Variants in NHSL1 observed in about 807,000 individuals in gnomAD.
NHSL1 encodes NHS like 1.
A neutral mutation model predicts 95.0 loss-of-function variants in NHSL1; 48 were observed. The ratio of observed to expected loss-of-function variants is 0.51; its 90% CI spans 0.40 to 0.64. The LOEUF is 0.64. Ranked by LOEUF, NHSL1 falls within the 30% of genes least tolerant of loss-of-function variation. The pLI, the probability that NHSL1 is intolerant of heterozygous loss-of-function variation, is 0.00. For synonymous variants in NHSL1, 783 were observed against 833.9 expected, an observed-to-expected ratio of 0.94 and a Z score of 1.05; for missense variants, 1,971 against 2,077.7, an observed-to-expected ratio of 0.95 and a Z score of 1.00.
chr6:138,438,938 G>A (rs1211799742), intron 5 of NHSL1, among the ~76,000 whole-genome samples: 1 of 152,066 alleles, frequency 6.6e-6, no homozygotes, highest in Non-Finnish European at 1.5e-5. Flanking sequence ...AACCTCATAA[G>A]ATGATGTTCA....
chr6:138,626,774 G>C (rs1171241945), intron 1 of NHSL1, among the ~76,000 whole-genome samples: 1 of 112,144 alleles, frequency 8.9e-6, no homozygotes, highest in East Asian at 2.5e-4. Flanking sequence ...GGCGCCTGTC[G>C]TCCCAGCTAC....
upstream of NHSL1, among the ~76,000 whole-genome samples, chr6:138,549,314 C>T (rs1334299378): frequency 1.3e-5 from 2 of 152,132 alleles, no homozygotes; most frequent in Admixed American, 6.5e-5. Flanking sequence ...ACCTGGGAGG[C>T]GGAGGTTGCA....
chr6:138,460,774 T>C (rs150027398), intron 3 of NHSL1, among the ~76,000 whole-genome samples: 64 of 151,714 alleles, frequency 4.2e-4, no homozygotes, highest in African/African-American at 1.4e-3. Flanking sequence ...CTGTTAGCTA[T>C]GCAATAAAGG....
upstream of NHSL1, among the ~76,000 whole-genome samples, chr6:138,500,270 T>C (rs546188674): frequency 3.4e-4 from 52 of 152,336 alleles, no homozygotes; most frequent in Non-Finnish European, 6.5e-4. Flanking sequence ...ACTCTTTAAC[T>C]TGAATCTACC....
chr6:138,525,635 T>C (rs1014510036), intron 1 of NHSL1, among the ~76,000 whole-genome samples: 1 of 151,886 alleles, frequency 6.6e-6, no homozygotes, highest in African/African-American at 2.4e-5. Context: ...AGCTAGACTA[T>C]ATAAAATCAG....
At position 138,433,029 on chromosome 6, in the gene NHSL1, T is replaced by C; in HGVS notation, c.1316A>G (p.Lys439Arg). The change falls in exon 6 of 8, where the codon AAA (lysine) becomes AGA (arginine). Residue 439 changes from lysine to arginine, a missense_variant. Around this residue, in one of 3 missense-constraint regions of NHSL1, gnomAD observed 1,602 missense variants for 1,654.5 expected, o/e 0.97. Coordinates refer to ENST00000343505, the MANE Select transcript of NHSL1 (RefSeq NM_001144060.2). ...TAQSAGQRES[K>R]SSGSSHARIK... The stretch of plus-strand genomic sequence containing the variant: ...CCTTGCATGTGATGAGCCAGAACTT[T>C]TACTTTCCCGCTGTCCCGCACTCTG... 6.4e-7 allele frequency: 1 copy of C among 1,551,644 alleles called. No homozygotes were observed. The highest frequency in any genetic ancestry group is 8.7e-7 in the Non-Finnish European group (1 of 1,146,996).
chr6:138,489,097 TC>T (rs1050017054), intron 2 of NHSL1, among the ~76,000 whole-genome samples: 46 of 152,060 alleles, frequency 3.0e-4, no homozygotes, highest in Admixed American at 1.3e-3. Flanking sequence ...TTATCCCTCC[TC>T]CCCACAGTAT....
chr6:138,661,021 G>C (rs1194686536), intron 1 of NHSL1, among the ~76,000 whole-genome samples: 2 of 152,062 alleles, frequency 1.3e-5, no homozygotes, highest in East Asian at 3.9e-4. Context: ...ACTATATTAT[G>C]GCTTCTTTAA....
intron 1 of NHSL1, among the ~76,000 whole-genome samples, chr6:138,509,921 T>C (rs1388257305): frequency 6.6e-6 from 1 of 152,162 alleles, no homozygotes; most frequent in Admixed American, 6.5e-5. Context: ...AAAATTTACA[T>C]CAATTTATAA....
In NHSL1 at chr6:138,431,394, G is replaced by A. The variant is rs1775649626; in HGVS notation, c.2951C>T (p.Ser984Phe). Reference protein sequence around the residue: ...PPPEALIPFCSPPDWCLSPPR... With the variant: ...PPPEALIPFCFPPDWCLSPPR... ...AGGAGAAAGGCACCAATCAGGTGGG[G>A]AGCAGAAAGGAATGAGAGCTTCTGG... The change falls in exon 6 of 8, where the codon TCC becomes TTC. Residue 984 changes from serine (S) to phenylalanine (F), a missense_variant. Transcript: ENST00000343505. This position sits in a 1 kb window ranked among gnomAD's most constrained non-coding sequence, Gnocchi z 4.0. 1.3e-6 allele frequency: 2 copies of A among 1,549,754 alleles called. No individual in the cohort carries two copies. Among genetic ancestry groups the A allele is most frequent in the African/African-American group, 1.4e-5 (1 of 73,100 alleles).
intron 1 of NHSL1, among the ~76,000 whole-genome samples, chr6:138,542,374 T>C (rs1475409162): frequency 1.3e-5 from 2 of 152,224 alleles, no homozygotes; most frequent in Non-Finnish European, 2.9e-5. Context: ...CACTAAGCAG[T>C]AATTTGTTAT....
intron 3 of NHSL1, among the ~76,000 whole-genome samples, chr6:138,454,081 T>C (rs1302478522): frequency 6.6e-6 from 1 of 152,158 alleles, no homozygotes; most frequent in Non-Finnish European, 1.5e-5. Flanking sequence ...ACCTAAAATA[T>C]TACTAAAAAC....
At chr6:138,673,825 C>T (rs1419028300) in intron 1 of NHSL1, among the ~76,000 whole-genome samples, 1 of 152,192 alleles carries the variant, frequency 6.6e-6, no homozygotes, top group Non-Finnish European at 1.5e-5. Flanking sequence ...GATTTAAAAA[C>T]ATGTACTTTA....
chr6:138,577,690 T>C (rs1783992095), intron 1 of NHSL1, among the ~76,000 whole-genome samples: 1 of 151,892 alleles, frequency 6.6e-6, no homozygotes, highest in Non-Finnish European at 1.5e-5. Flanking sequence ...GACCTTTAGC[T>C]TAGGACAGCG....
At chr6:138,532,018 C>T (rs1475273660) in intron 1 of NHSL1, among the ~76,000 whole-genome samples, 1 of 152,142 alleles carries the variant, frequency 6.6e-6, no homozygotes, top group Non-Finnish European at 1.5e-5. Context: ...TGATAGGTAA[C>T]TCAGAGAAGG....
intron 1 of NHSL1, among the ~76,000 whole-genome samples, chr6:138,506,898 T>C (rs1216169046): frequency 6.6e-6 from 1 of 152,206 alleles, no homozygotes; most frequent in African/African-American, 2.4e-5. Context: ...AGTGGACTTA[T>C]AAAGTTCCTG....
At chr6:138,501,329 C>A (rs1780665493), upstream of NHSL1, among the ~76,000 whole-genome samples, 1 of 152,148 alleles carries the variant, frequency 6.6e-6, no homozygotes, top group South Asian at 2.1e-4. Flanking sequence ...GAGATCCCTG[C>A]CCTCATGGAG....
rs1775754696 is a variant in NHSL1, at chr6:138,432,388, T to A, written c.1957A>T (p.Asn653Tyr). Reference protein sequence around the residue: ...RAQKNQGDRSNYQDKSLSRNI... With the variant: ...RAQKNQGDRSYYQDKSLSRNI... ...CTTGATAGGGATTTATCCTGGTAAT[T>A]GGACCGGTCCCCTTGGTTTTTCTGA... is the stretch of plus-strand genomic sequence containing the variant. Residue 653 changes from asparagine (N) to tyrosine (Y), a missense_variant, in exon 6 of 8, where the codon AAT becomes TAT. By Grantham distance (143) the Asn-to-Tyr change is moderately radical. Transcript: ENST00000343505. This position sits in a 1 kb window ranked among gnomAD's most constrained non-coding sequence, Gnocchi z 4.4. 6.4e-7 allele frequency: 1 copy of A among 1,552,162 alleles called. No homozygotes were observed. The highest frequency in any genetic ancestry group is 1.2e-5 in the South Asian group (1 of 84,054).
At chr6:138,633,766 C>T (rs1366730866) in intron 1 of NHSL1, among the ~76,000 whole-genome samples, 1 of 152,164 alleles carries the variant, frequency 6.6e-6, no homozygotes, top group Non-Finnish European at 1.5e-5. Context: ...ATAGTAAGCA[C>T]ACAGAAAAAC....
Sources: allele counts gnomAD v4.1 joint callset (sites outside exome capture counted in the v4.1 genomes callset), GRCh38; gene constraint gnomAD v4.1.1; regional missense constraint gnomAD v4.1.1; non-coding constraint Gnocchi (gnomAD v3.1); transcripts MANE v1.5; gene names NCBI Gene and HGNC (gene_info 2026-07-23, HGNC 2026-07-21).